Variants in KCNK9 observed in about 807,000 individuals in gnomAD.
The protein encoded by KCNK9 is potassium channel subfamily K member 9.
Under a neutral mutation model 10.8 loss-of-function variants are expected in KCNK9, and 1 was observed. That is an observed-to-expected ratio of 0.09 (90% confidence interval 0.03 to 0.44). The LOEUF is 0.44. Among genes scored for constraint, KCNK9 ranks in the 20% least tolerant of loss-of-function variants. The probability of loss-of-function intolerance (pLI) is 0.97; values close to 1 mark genes in which losing one functional copy is unlikely to be tolerated. For synonymous variants in KCNK9, 231 were observed against 222.7 expected, an observed-to-expected ratio of 1.04 and a Z score of -0.33; for missense variants, 303 against 515.0, an observed-to-expected ratio of 0.59 and a Z score of 3.98.
chr8:139,631,685 G>C (rs2129635815), intron 1 of KCNK9, among the ~76,000 whole-genome samples: 1 of 152,016 alleles, frequency 6.6e-6, no homozygotes, highest in East Asian at 1.9e-4. Context: ...GAAAATGTGG[G>C]GAAACAAGCC....
intron 1 of KCNK9, among the ~76,000 whole-genome samples, chr8:139,697,307 A>G (rs77589868): frequency 0.61 from 90,005 of 148,564 alleles, 27,251 homozygotes; most frequent in African/African-American, 0.66. Context: ...GTGGATGGAT[A>G]GATGGTGGGT....
intron 1 of KCNK9, among the ~76,000 whole-genome samples, chr8:139,629,324 C>A (rs1344711056): frequency 1.3e-5 from 2 of 152,256 alleles, no homozygotes; most frequent in African/African-American, 2.4e-5. Flanking sequence ...TTCTCCACTC[C>A]TGGCTCATAC....
At chr8:139,653,661 T>A (rs1477205197) in intron 1 of KCNK9, among the ~76,000 whole-genome samples, 1 of 152,162 alleles carries the variant, frequency 6.6e-6, no homozygotes, top group Non-Finnish European at 1.5e-5. Flanking sequence ...GCCTGCTATA[T>A]GCAAACACTT....
At chr8:139,608,965 T>C (rs1214409371), downstream of KCNK9, among the ~76,000 whole-genome samples, 3 of 152,076 alleles carry the variant, frequency 2.0e-5, no homozygotes, top group Non-Finnish European at 4.4e-5. Context: ...TCCTCTCTAA[T>C]GCCTGCTGAT....
intron 1 of KCNK9, among the ~76,000 whole-genome samples, chr8:139,681,716 G>C (rs1302142431): frequency 6.6e-6 from 1 of 152,218 alleles, no homozygotes; most frequent in African/African-American, 2.4e-5. Context: ...CAGCTCCCTG[G>C]GGAGGCTGGC....
chr8:139,610,194 A>G (rs572377683), downstream of KCNK9, among the ~76,000 whole-genome samples: 171 of 152,270 alleles, frequency 1.1e-3, 1 homozygote, highest in African/African-American at 3.7e-3. Context: ...CTGGGTCACC[A>G]GCACTCACCT....
At chr8:139,685,095 A>C (rs1816761953) in intron 1 of KCNK9, among the ~76,000 whole-genome samples, 1 of 126,762 alleles carries the variant, frequency 7.9e-6, no homozygotes, top group Admixed American at 8.7e-5. Context: ...GTTTGTGTAG[A>C]ACTTTATACA....
chr8:139,605,266 T>C lies in KCNK9; in HGVS notation c.*1-3665A>G, dbSNP rs78845175. ...ATCAGCAAATCCGGTCTCGGTTCAG[T>C]TGAGGTCAAACTCTTGGTTTGGTTT... On this transcript the variant is annotated intron_variant, in intron 2 of 2. Coordinates refer to the KCNK9 transcript ENST00000650269. 8.5e-3 allele frequency among the ~76,000 whole-genome samples: 1,293 copies of C among 152,338 alleles called. 16 individuals carry two copies. The highest frequency in any genetic ancestry group is 0.027 in the African/African-American group (1,130 of 41,574).
chr8:139,678,632 C>T (rs3824278), intron 1 of KCNK9, among the ~76,000 whole-genome samples: 9,797 of 152,312 alleles, frequency 0.064, 385 homozygotes, highest in East Asian at 0.18. Context: ...AGCCTCATAG[C>T]GCTGATAGAA....
At chr8:139,604,708 C>T (rs1330816002) in intron 2 of KCNK9, among the ~76,000 whole-genome samples, 1 of 152,222 alleles carries the variant, frequency 6.6e-6, no homozygotes, top group Non-Finnish European at 1.5e-5. Context: ...GCCTCAATCA[C>T]TAAGAATTAA....
At chr8:139,613,713 G>A (rs940384867), downstream of KCNK9, among the ~76,000 whole-genome samples, 3 of 152,216 alleles carry the variant, frequency 2.0e-5, no homozygotes, top group Non-Finnish European at 4.4e-5. Flanking sequence ...ACTTCCAGGA[G>A]CTCAGTGGAG....
At chr8:139,644,006 GC>G (rs1214347479) in intron 1 of KCNK9, among the ~76,000 whole-genome samples, 1 of 152,200 alleles carries the variant, frequency 6.6e-6, no homozygotes, top group African/African-American at 2.4e-5. Flanking sequence ...CCCCACCTCT[GC>G]CACGATACCC....
At chr8:139,695,305 C>T (rs1020645209) in intron 1 of KCNK9, among the ~76,000 whole-genome samples, 5 of 152,092 alleles carry the variant, frequency 3.3e-5, no homozygotes, top group Admixed American at 2.6e-4. Flanking sequence ...TGATGGTCAG[C>T]TCTCCCTGAA....
Position 139,618,449 on chromosome 8 carries a change from C to T in KCNK9, c.934G>A (p.Val312Met). The T allele has an allele frequency of 6.2e-7, 1 of 1,613,984 alleles. No individual in the cohort carries two copies. ...YRSQDYGGRS[V>M]APQNSFSAKL... ...GCGCTGAAGGAGTTCTGCGGTGCCA[C>T]CGAGCGGCCGCCATAGTCCTGCGAG... is the stretch of plus-strand genomic sequence containing the variant. Residue 312 changes from valine to methionine, a missense_variant, in exon 2 of 2, where the codon GTG (valine) becomes ATG (methionine). Physicochemically the swap from Val to Met is conservative, Grantham distance 21 (BLOSUM62 1). Transcript: ENST00000520439. The surrounding 1 kb of genome is among the most constrained non-coding windows in gnomAD (Gnocchi z 7.9).
intron 1 of KCNK9, among the ~76,000 whole-genome samples, chr8:139,673,946 G>A (rs892782515): frequency 3.3e-5 from 5 of 152,150 alleles, no homozygotes; most frequent in East Asian, 1.9e-4. Context: ...CGGCAGCCCC[G>A]CCCCTGCCCC....
At chr8:139,655,769 C>T (rs545049904) in intron 1 of KCNK9, among the ~76,000 whole-genome samples, 45 of 152,224 alleles carry the variant, frequency 3.0e-4, no homozygotes, top group African/African-American at 8.9e-4. Flanking sequence ...CAATCAGAGC[C>T]GGAGGAAGAA....
At position 139,619,098 on chromosome 8, in the gene KCNK9, A is replaced by T. The variant is rs1406105250; in HGVS notation, c.285T>A (p.Gly95=). 6.2e-7 allele frequency: 1 copy of T among 1,613,706 alleles called. No homozygotes were observed. The highest frequency in any genetic ancestry group is 8.5e-7 in the Non-Finnish European group (1 of 1,179,904). ...CGGTGCCAGGTGCAGCGTGCCCATA[A>T]CCTGTGGGAAGGGGATGAGAAGAAC... is the stretch of plus-strand genomic sequence containing the variant. ...YFAITVITTI[G]YGHAAPGTDA... The change falls in exon 2 of 2, where the codon GGT becomes GGA. Residue 95 remains glycine, a splice_region_variant and synonymous_variant. Coordinates refer to ENST00000520439, the MANE Select transcript of KCNK9 (RefSeq NM_001282534.2).
intron 1 of KCNK9, among the ~76,000 whole-genome samples, chr8:139,624,813 G>A (rs545204958): frequency 2.6e-5 from 4 of 152,326 alleles, no homozygotes; most frequent in Admixed American, 1.3e-4. Flanking sequence ...TGCCCAACTC[G>A]ACAGGGCAGG....
At chr8:139,696,406 A>C (rs1321327075) in intron 1 of KCNK9, among the ~76,000 whole-genome samples, 1 of 152,202 alleles carries the variant, frequency 6.6e-6, no homozygotes, top group African/African-American at 2.4e-5. Context: ...ATCAGAAGTG[A>C]TTGGGATTGG....
Sources: allele counts gnomAD v4.1 joint callset (sites outside exome capture counted in the v4.1 genomes callset), GRCh38; gene constraint gnomAD v4.1.1; non-coding constraint Gnocchi (gnomAD v3.1); transcripts MANE v1.5; gene names NCBI Gene and HGNC (gene_info 2026-07-23, HGNC 2026-07-21).